Variants in NECTIN3 observed in about 807,000 individuals in gnomAD.
NECTIN3 encodes nectin-3.
NECTIN3 carries 8 observed loss-of-function variants against 49.4 expected under a neutral mutation model. The ratio of observed to expected loss-of-function variants is 0.16; its 90% confidence interval spans 0.10 to 0.29. The LOEUF (loss-of-function observed/expected upper bound fraction) is 0.29. Ranked by LOEUF, NECTIN3 falls within the 10% of genes least tolerant of loss-of-function variation. NECTIN3 has a pLI of 1.00. For synonymous variants in NECTIN3, 277 were observed against 241.1 expected (o/e 1.15, Z -1.38); for missense variants, 581 against 654.6 (o/e 0.89, Z 1.23).
chr3:111,191,309 T>C (rs2035808506), upstream of NECTIN3, among the ~76,000 whole-genome samples: 1 of 152,198 alleles, frequency 6.6e-6, no homozygotes. Flanking sequence ...TGAAGTATTA[T>C]ACGTATAAAG....
chr3:111,142,986 G>A (rs1342231873), intron 5 of NECTIN3, among the ~76,000 whole-genome samples: 2 of 151,806 alleles, frequency 1.3e-5, no homozygotes, highest in Non-Finnish European at 3.0e-5. Flanking sequence ...TTGTGCCACT[G>A]ACTAGAGATG....
chr3:111,126,203 G>T lies in NECTIN3; in HGVS notation c.937G>T (p.Asp313Tyr). ...VWSRLDGQWP[D>Y]GLLASDNTLH... ...ATCTAGGTTGGATGGACAATGGCCTGATGGTTTATTGGCTTCAGACAATAC... is the reference window on the plus strand; with the variant it reads ...ATCTAGGTTGGATGGACAATGGCCTTATGGTTTATTGGCTTCAGACAATAC... The change falls in exon 5 of 6, where the codon GAT (aspartate) becomes TAT (tyrosine). Residue 313 changes from aspartate (D) to tyrosine (Y), a missense_variant. Physicochemically the swap from Asp to Tyr is radical, Grantham distance 160 (BLOSUM62 -3). Around this residue, in one of 3 missense-constraint regions of NECTIN3, gnomAD observed 234 missense variants for 340.6 expected, o/e 0.69. Transcript: ENST00000485303. 3 of 1,596,288 alleles carry T rather than the reference G, an allele frequency of 1.9e-6. No homozygotes were observed. In the South Asian group the frequency reaches 3.4e-5, roughly 18 times the overall value.
chr3:111,175,986 G>A (rs997833126), intron 7 of NECTIN3, among the ~76,000 whole-genome samples: 1 of 152,258 alleles, frequency 6.6e-6, no homozygotes, highest in East Asian at 1.9e-4. Context: ...TATCTTAACA[G>A]AGTGATTCCT....
At chr3:111,124,700 A>G (rs1340961575) in intron 4 of NECTIN3, among the ~76,000 whole-genome samples, 1 of 152,148 alleles carries the variant, frequency 6.6e-6, no homozygotes, top group Non-Finnish European at 1.5e-5. Flanking sequence ...TTTACCACTC[A>G]CTACACTTGA....
At chr3:111,186,303 A>G (rs1486629062) in intron 7 of NECTIN3, among the ~76,000 whole-genome samples, 1 of 152,174 alleles carries the variant, frequency 6.6e-6, no homozygotes, top group Non-Finnish European at 1.5e-5. Context: ...ACCCAACTTC[A>G]AACTGTTATT....
chr3:111,145,685 T>C (rs1259756873), intron 6 of NECTIN3, among the ~76,000 whole-genome samples: 10 of 152,188 alleles, frequency 6.6e-5, no homozygotes, highest in Admixed American at 5.2e-4. Flanking sequence ...AATAATGCTC[T>C]TCCTACTTAC....
At chr3:111,156,020 A>G (rs1019313478) in intron 7 of NECTIN3, among the ~76,000 whole-genome samples, 1 of 152,152 alleles carries the variant, frequency 6.6e-6, no homozygotes, top group Non-Finnish European at 1.5e-5. Flanking sequence ...CTGATTTCAC[A>G]TATTTATGTC....
intron 7 of NECTIN3, among the ~76,000 whole-genome samples, chr3:111,183,066 G>T (rs1374164028): frequency 6.6e-6 from 1 of 151,730 alleles, no homozygotes; most frequent in Non-Finnish European, 1.5e-5. Flanking sequence ...TATATTAGAT[G>T]AATTTTAATA....
chr3:111,145,495 ACT>A (rs1031424253), intron 6 of NECTIN3, among the ~76,000 whole-genome samples: 3 of 152,204 alleles, frequency 2.0e-5, no homozygotes, highest in Non-Finnish European at 2.9e-5. Flanking sequence ...TAAGAAAAAT[ACT>A]CTTTTTGGTG....
chr3:111,080,670 A>G (rs964629797), intron 1 of NECTIN3, among the ~76,000 whole-genome samples: 8 of 90,594 alleles, frequency 8.8e-5, no homozygotes, highest in Non-Finnish European at 1.6e-4. Flanking sequence ...TAATCTATAT[A>G]TGTCATGCAA....
At chr3:111,139,771 C>CAA (rs1237709154), downstream of NECTIN3, among the ~76,000 whole-genome samples, 1 of 151,664 alleles carries the variant, frequency 6.6e-6, no homozygotes, top group East Asian at 1.9e-4. Context: ...CCTCCCAGTT[C>CAA]AAAATTAGTC....
At chr3:111,130,827 A>G (rs2034360447) in intron 5 of NECTIN3, among the ~76,000 whole-genome samples, 1 of 152,054 alleles carries the variant, frequency 6.6e-6, no homozygotes, top group South Asian at 2.1e-4. Context: ...CTTACTGACT[A>G]CTGGAAATTG....
rs2034560524 is a variant in NECTIN3, at chr3:111,135,940, A to G, written c.*1725A>G. Reference sequence around the variant, plus strand: ...GGATACAGATAAATAAAGTTCACTTATATCTTCTTACAAATGTCTGGGTTT... The same window carrying G: ...GGATACAGATAAATAAAGTTCACTTGTATCTTCTTACAAATGTCTGGGTTT... On this transcript the variant is annotated 3_prime_UTR_variant, in exon 6 of 6. Coordinates refer to ENST00000485303, the MANE Select transcript of NECTIN3 (RefSeq NM_015480.3). 2 of 924,850 alleles carry G rather than the reference A, an allele frequency of 2.2e-6. No homozygotes were observed. Among genetic ancestry groups the G allele is most frequent in the South Asian group, 5.0e-5 (1 of 20,006 alleles). The allele number at this position is 924,850 out of a possible 1,614,324, so 57.3% of individuals were successfully genotyped here.
intron 1 of NECTIN3, among the ~76,000 whole-genome samples, chr3:111,079,905 A>G (rs1206550776): frequency 6.6e-6 from 1 of 152,078 alleles, no homozygotes; most frequent in Non-Finnish European, 1.5e-5. Context: ...TGCCTAGTTC[A>G]TATTAAAAGC....
chr3:111,133,606 G>C (rs1277441280), intron 5 of NECTIN3, 29 bp from the exon 6 acceptor site: 1 of 1,589,450 alleles, frequency 6.3e-7, no homozygotes, highest in African/African-American at 1.3e-5. Context: ...GCCTTTCTGT[G>C]TCTTCTCTAT....
At chr3:111,141,440 A>G (rs776773462), downstream of NECTIN3, among the ~76,000 whole-genome samples, 4 of 151,860 alleles carry the variant, frequency 2.6e-5, no homozygotes, top group Non-Finnish European at 5.9e-5. Context: ...TTTAAAAATT[A>G]TTTGTTTTTG....
At chr3:111,111,044 C>T (rs1243537715) in intron 1 of NECTIN3, among the ~76,000 whole-genome samples, 2 of 151,884 alleles carry the variant, frequency 1.3e-5, no homozygotes, top group African/African-American at 4.8e-5. Context: ...ATTGTTTATA[C>T]GATTTCCATT....
At chr3:111,099,683 C>A (rs974841523) in intron 1 of NECTIN3, among the ~76,000 whole-genome samples, 3 of 152,160 alleles carry the variant, frequency 2.0e-5, no homozygotes, top group African/African-American at 7.2e-5. Context: ...TGCAGTCACA[C>A]CAGCCTCGCA....
At chr3:111,113,451 G>A (rs932431144) in intron 2 of NECTIN3, among the ~76,000 whole-genome samples, 7 of 152,198 alleles carry the variant, frequency 4.6e-5, no homozygotes, top group African/African-American at 1.7e-4. Flanking sequence ...TAATGTTTAA[G>A]GACATAATAG....
Sources: allele counts gnomAD v4.1 joint callset (sites outside exome capture counted in the v4.1 genomes callset), GRCh38; gene constraint gnomAD v4.1.1; regional missense constraint gnomAD v4.1.1; transcripts MANE v1.5; gene names NCBI Gene and HGNC (gene_info 2026-07-23, HGNC 2026-07-21).